TMEFF1: variants seen among roughly 807,000 people sequenced by gnomAD.
The protein encoded by TMEFF1 is tomoregulin-1.
In TMEFF1, 20 loss-of-function variants were observed where a neutral mutation model predicts 47.5. The observed-to-expected ratio is 0.42, with a 90% CI of 0.30 to 0.61. The LOEUF is 0.61. Among genes scored for constraint, TMEFF1 ranks in the 20% least tolerant of loss-of-function variants. TMEFF1 has a pLI of 0.19. For missense variants in TMEFF1, 411 were observed against 471.1 expected, an observed-to-expected ratio of 0.87 and a Z score of 1.18; for synonymous variants, 162 against 166.3, an observed-to-expected ratio of 0.97 and a Z score of 0.20.
chr9:100,474,377 G>A (rs1449649469), intron 1 of TMEFF1, among the ~76,000 whole-genome samples: 1 of 152,010 alleles, frequency 6.6e-6, no homozygotes, highest in African/African-American at 2.4e-5. Context: ...GATGGGATCT[G>A]GGGGCTTAGA....
chr9:100,502,030 A>G (rs1056352659), intron 2 of TMEFF1, among the ~76,000 whole-genome samples: 1 of 151,962 alleles, frequency 6.6e-6, no homozygotes, highest in Non-Finnish European at 1.5e-5. Flanking sequence ...AAAAGCTTCC[A>G]CTCCAGACTG....
At chr9:100,502,550 G>A (rs890796251) in intron 2 of TMEFF1, among the ~76,000 whole-genome samples, 1 of 151,834 alleles carries the variant, frequency 6.6e-6, no homozygotes, top group Non-Finnish European at 1.5e-5. Flanking sequence ...TTTTTGTAGC[G>A]CCAAGACCTC....
chr9:100,480,111 T>C (rs1447155494), intron 1 of TMEFF1, among the ~76,000 whole-genome samples: 1 of 152,196 alleles, frequency 6.6e-6, no homozygotes, highest in African/African-American at 2.4e-5. Flanking sequence ...TGTATTTTCC[T>C]AATGGCTATT....
intron 3 of TMEFF1, 60 bp downstream of exon 3, chr9:100,509,194 G>T (rs747501174): frequency 2.1e-4 from 297 of 1,416,444 alleles, no homozygotes; most frequent in Non-Finnish European, 2.6e-4. Flanking sequence ...TTTCTAAAAG[G>T]GGGTTTTGAG....
At chr9:100,566,936 G>A (rs1249760057) in intron 8 of TMEFF1, among the ~76,000 whole-genome samples, 5 of 151,910 alleles carry the variant, frequency 3.3e-5, no homozygotes, top group Admixed American at 2.0e-4. Flanking sequence ...GCATTTTTTT[G>A]TAGACAGTTT....
chr9:100,532,895 A>ATAC (rs1426566844), intron 5 of TMEFF1, among the ~76,000 whole-genome samples: 6 of 152,138 alleles, frequency 3.9e-5, no homozygotes, highest in Non-Finnish European at 7.4e-5. Flanking sequence ...ACACCATGGA[A>ATAC]TACTATGCAG....
intron 1 of TMEFF1, among the ~76,000 whole-genome samples, chr9:100,493,320 G>A (rs902034522): frequency 6.6e-6 from 1 of 152,192 alleles, no homozygotes; most frequent in Non-Finnish European, 1.5e-5. Context: ...CTCTCCGTGA[G>A]TGTTAGCTAA....
At chr9:100,474,298 C>G (rs976201027) in intron 1 of TMEFF1, among the ~76,000 whole-genome samples, 1 of 151,088 alleles carries the variant, frequency 6.6e-6, no homozygotes, top group African/African-American at 2.4e-5. Context: ...GTCTTGAGGA[C>G]GCGGTTTGGC....
intron 5 of TMEFF1, among the ~76,000 whole-genome samples, chr9:100,532,533 A>G (rs930439079): frequency 7.9e-5 from 12 of 152,154 alleles, no homozygotes; most frequent in Admixed American, 5.2e-4. Context: ...CAAAACCACA[A>G]TGAGATACCA....
At chr9:100,576,461 C>T in intron 9 of TMEFF1, 55 bp from the exon 10 acceptor site, 1 of 1,592,050 alleles carries the variant, frequency 6.3e-7, no homozygotes, top group Non-Finnish European at 8.5e-7. Context: ...TTGAAATATC[C>T]TGAACAAAAT....
At chr9:100,501,909 C>T (rs1448225628) in intron 2 of TMEFF1, among the ~76,000 whole-genome samples, 1 of 152,178 alleles carries the variant, frequency 6.6e-6, no homozygotes, top group East Asian at 1.9e-4. Flanking sequence ...TCCCAAAGTG[C>T]TGGGATTACA....
At chr9:100,503,246 T>C (rs1489765657) in intron 2 of TMEFF1, among the ~76,000 whole-genome samples, 1 of 151,958 alleles carries the variant, frequency 6.6e-6, no homozygotes, top group Non-Finnish European at 1.5e-5. Flanking sequence ...AAAATTCAAA[T>C]TGTTTTTTTT....
At chr9:100,570,888 T>G (rs774408138) in intron 8 of TMEFF1, among the ~76,000 whole-genome samples, 4 of 152,192 alleles carry the variant, frequency 2.6e-5, no homozygotes, top group Non-Finnish European at 2.9e-5. Context: ...AATGTTTTAT[T>G]AATCAGTTCT....
chr9:100,515,571 A>AG (rs1336824530), intron 4 of TMEFF1, among the ~76,000 whole-genome samples: 1 of 152,096 alleles, frequency 6.6e-6, no homozygotes, highest in Non-Finnish European at 1.5e-5. Flanking sequence ...GCGGATCACA[A>AG]GGTCAGGAGT....
chr9:100,481,791 G>A (rs10989108), intron 1 of TMEFF1, among the ~76,000 whole-genome samples: 6,661 of 152,108 alleles, frequency 0.044, 319 homozygotes, highest in South Asian at 0.22. Flanking sequence ...TTTAATTGTT[G>A]TTGTTTTTTG....
intron 5 of TMEFF1, among the ~76,000 whole-genome samples, chr9:100,517,105 G>A (rs1838089556): frequency 1.3e-5 from 2 of 152,102 alleles, no homozygotes; most frequent in South Asian, 4.1e-4. Flanking sequence ...TTTTGTAGCT[G>A]ACAGCACTGT....
intron 7 of TMEFF1, among the ~76,000 whole-genome samples, chr9:100,553,014 C>T (rs1838854344): frequency 6.6e-6 from 1 of 151,970 alleles, no homozygotes; most frequent in African/African-American, 2.4e-5. Flanking sequence ...GGAGAGAAGG[C>T]CCAACTTGGG....
At chr9:100,501,711 C>T (rs1837766004) in intron 2 of TMEFF1, among the ~76,000 whole-genome samples, 1 of 152,006 alleles carries the variant, frequency 6.6e-6, no homozygotes, top group Non-Finnish European at 1.5e-5. Context: ...GTGGTGCGAT[C>T]GTGGCTCACT....
At chr9:100,571,012 G>T (rs945081689) in intron 8 of TMEFF1, among the ~76,000 whole-genome samples, 7 of 152,118 alleles carry the variant, frequency 4.6e-5, no homozygotes, top group Non-Finnish European at 1.0e-4. Flanking sequence ...TGATGCAGTT[G>T]TCTTTTTATC....
Sources: allele counts gnomAD v4.1 joint callset (sites outside exome capture counted in the v4.1 genomes callset), GRCh38; gene constraint gnomAD v4.1.1; transcripts MANE v1.5; gene names NCBI Gene and HGNC (gene_info 2026-07-23, HGNC 2026-07-21).